PPP2R3A: variants seen among roughly 807,000 people sequenced by gnomAD.
PPP2R3A encodes the protein protein phosphatase 2 regulatory subunit B''alpha.
In PPP2R3A, 80 loss-of-function variants were observed where a neutral mutation model predicts 106.9. The observed-to-expected ratio is 0.75, with a 90% CI of 0.62 to 0.90. The LOEUF (loss-of-function observed/expected upper bound fraction) is 0.90, where lower values mean the gene tolerates loss of function less well. Among genes scored for constraint, PPP2R3A ranks in the 40% least tolerant of loss-of-function variants. The pLI, the probability that PPP2R3A is intolerant of heterozygous loss-of-function variation, is 0.00. For synonymous variants in PPP2R3A, 483 were observed against 468.3 expected, an observed-to-expected ratio of 1.03 and a Z score of -0.41; for missense variants, 1,386 against 1,350.4, an observed-to-expected ratio of 1.03 and a Z score of -0.41.
intron 13 of PPP2R3A, among the ~76,000 whole-genome samples, chr3:136,124,544 C>T (rs1938112761): frequency 6.6e-6 from 1 of 151,790 alleles, no homozygotes; most frequent in African/African-American, 2.4e-5. Flanking sequence ...CTTAGAGGGA[C>T]AGTTATCACT....
At chr3:136,093,759 G>A (rs1263774931) in intron 10 of PPP2R3A, among the ~76,000 whole-genome samples, 1 of 152,228 alleles carries the variant, frequency 6.6e-6, no homozygotes, top group African/African-American at 2.4e-5. Flanking sequence ...GTGCTGCCAA[G>A]CAGGTGGAAA....
At chr3:135,984,139 CTCT>C (rs1937574941) in intron 1 of PPP2R3A, among the ~76,000 whole-genome samples, 1 of 152,024 alleles carries the variant, frequency 6.6e-6, no homozygotes, top group African/African-American at 2.4e-5. Flanking sequence ...TCCCTTCCTT[CTCT>C]TTCCTTCTTT....
At chr3:136,000,464 C>A (rs184274099) in intron 1 of PPP2R3A, among the ~76,000 whole-genome samples, 6 of 152,254 alleles carry the variant, frequency 3.9e-5, no homozygotes, top group Non-Finnish European at 1.5e-5. Flanking sequence ...GGAGCAGGGT[C>A]TGGGAGATGG....
chr3:136,068,612 T>C (rs911347576), intron 5 of PPP2R3A, among the ~76,000 whole-genome samples: 3 of 152,090 alleles, frequency 2.0e-5, no homozygotes, highest in Non-Finnish European at 4.4e-5. Context: ...AGAAACAAAA[T>C]CACTATTAAG....
intron 1 of PPP2R3A, among the ~76,000 whole-genome samples, chr3:135,976,944 C>A (rs1328918721): frequency 6.6e-6 from 1 of 152,046 alleles, no homozygotes; most frequent in East Asian, 1.9e-4. Context: ...TTACTAAATT[C>A]TCATATGTGC....
chr3:136,136,944 T>G (rs1461790870), intron 13 of PPP2R3A, among the ~76,000 whole-genome samples: 1 of 152,164 alleles, frequency 6.6e-6, no homozygotes, highest in East Asian at 1.9e-4. Flanking sequence ...GCTGTAAACA[T>G]TGCAAATTAA....
intron 5 of PPP2R3A, among the ~76,000 whole-genome samples, chr3:136,062,060 C>T (rs1235811048): frequency 6.6e-6 from 1 of 152,020 alleles, no homozygotes; most frequent in Non-Finnish European, 1.5e-5. Context: ...TCATTGGCAT[C>T]CCTCAGGAAA....
chr3:136,026,133 G>A (rs1376646593), intron 2 of PPP2R3A, among the ~76,000 whole-genome samples: 1 of 152,076 alleles, frequency 6.6e-6, no homozygotes, highest in East Asian at 1.9e-4. Context: ...TTATTAAACT[G>A]TAAAGGGAGT....
At chr3:136,064,731 A>C (rs1416809012) in intron 5 of PPP2R3A, among the ~76,000 whole-genome samples, 1 of 152,238 alleles carries the variant, frequency 6.6e-6, no homozygotes, top group African/African-American at 2.4e-5. Context: ...CAGCTGATGC[A>C]GTTAGAAAAG....
Position 136,145,134 on chromosome 3 carries a change from T to C in PPP2R3A, c.3421T>C (p.Cys1141Arg), listed in dbSNP as rs1212573082. 2 of 1,613,298 alleles carry C rather than the reference T, an allele frequency of 1.2e-6. No individual in the cohort carries two copies. The highest frequency in any genetic ancestry group is 1.7e-6 in the Non-Finnish European group (2 of 1,179,748). ...ATTAAGTGCAAGCCTTCCAGAGAAA[T>C]GTGGAAAGCTTCAATCAGTGGATGA... ...KILSASLPEK[C>R]GKLQSVDEE The change falls in exon 14 of 14, where the codon TGT (cysteine) becomes CGT (arginine). Residue 1141 changes from cysteine to arginine, a missense_variant. By Grantham distance (180) the Cys-to-Arg change is radical. Transcript: ENST00000264977.
chr3:136,117,414 A>T (rs1025384417), intron 13 of PPP2R3A, among the ~76,000 whole-genome samples: 2 of 152,212 alleles, frequency 1.3e-5, no homozygotes, highest in Admixed American at 1.3e-4. Context: ...GAGACATGAA[A>T]AGCCCTTCGA....
chr3:136,140,907 AAAAT>A (rs745803745), intron 13 of PPP2R3A, among the ~76,000 whole-genome samples: 12 of 152,354 alleles, frequency 7.9e-5, no homozygotes, highest in East Asian at 3.9e-4. Flanking sequence ...CTCTGTCTCA[AAAAT>A]AAATGAATGA....
At chr3:136,090,500 T>G in intron 9 of PPP2R3A, 78 bp from the exon 10 acceptor site, 1 of 1,235,564 alleles carries the variant, frequency 8.1e-7, no homozygotes, top group Non-Finnish European at 1.2e-6. Context: ...ACATACTACT[T>G]TATTTCTTAG....
At chr3:136,084,025 G>A (rs887174748) in intron 8 of PPP2R3A, among the ~76,000 whole-genome samples, 2 of 152,344 alleles carry the variant, frequency 1.3e-5, no homozygotes, top group East Asian at 3.9e-4. Flanking sequence ...CCCATTTTCC[G>A]GGGAGAAATT....
Position 136,001,604 on chromosome 3 carries a change from C to A in PPP2R3A, c.106C>A (p.His36Asn), listed in dbSNP as rs780390411. The A allele has an allele frequency of 6.2e-7, 1 of 1,614,174 alleles. No homozygotes were observed. The highest frequency in any genetic ancestry group is 1.3e-5 in the African/African-American group (1 of 75,044). ...TATACATTATTGCACTGGAACCTGCCACACCTTCACACATGGAATTGACTG... is the reference window on the plus strand; with the variant it reads ...TATACATTATTGCACTGGAACCTGCAACACCTTCACACATGGAATTGACTG... ...QAIHYCTGTC[H>N]TFTHGIDCIV... is the part of the protein sequence containing the mutation. The change falls in exon 2 of 14, where the codon CAC becomes AAC. Residue 36 changes from histidine to asparagine, a missense_variant. Physicochemically the swap from His to Asn is moderately conservative, Grantham distance 68. Coordinates refer to ENST00000264977, the MANE Select transcript of PPP2R3A (RefSeq NM_002718.5).
intron 5 of PPP2R3A, among the ~76,000 whole-genome samples, chr3:136,054,854 T>A (rs180857009): frequency 2.0e-5 from 3 of 152,346 alleles, no homozygotes; most frequent in East Asian, 3.9e-4. Context: ...AGTCTCAATT[T>A]CCTGTTTGCA....
intron 13 of PPP2R3A, among the ~76,000 whole-genome samples, chr3:136,136,360 T>G (rs1296219493): frequency 2.0e-5 from 3 of 152,170 alleles, no homozygotes; most frequent in Admixed American, 6.5e-5. Flanking sequence ...ACCTAACCTC[T>G]CTGAAGTAGA....
chr3:136,010,108 C>T (rs1191790463), intron 2 of PPP2R3A, among the ~76,000 whole-genome samples: 1 of 152,116 alleles, frequency 6.6e-6, no homozygotes, highest in Non-Finnish European at 1.5e-5. Context: ...AATCTTGTTT[C>T]CTATTTTACT....
At chr3:136,059,662 G>T (rs779138482) in intron 5 of PPP2R3A, among the ~76,000 whole-genome samples, 2 of 152,198 alleles carry the variant, frequency 1.3e-5, no homozygotes, top group Non-Finnish European at 2.9e-5. Flanking sequence ...ATTCTCTTAT[G>T]AAGAGACATG....
Sources: allele counts gnomAD v4.1 joint callset (sites outside exome capture counted in the v4.1 genomes callset), GRCh38; gene constraint gnomAD v4.1.1; transcripts MANE v1.5; gene names NCBI Gene and HGNC (gene_info 2026-07-23, HGNC 2026-07-21).